The following CPEB2 variants were observed in gnomAD, a reference collection of about 807,000 sequenced individuals.
The protein encoded by CPEB2 is cytoplasmic polyadenylation element-binding protein 2.
Under a neutral mutation model 93.6 loss-of-function variants are expected in CPEB2, and 56 were observed. That is an observed-to-expected ratio of 0.60 (90% CI 0.48 to 0.75). The LOEUF (loss-of-function observed/expected upper bound fraction) is 0.75, where lower values mean the gene tolerates loss of function less well. CPEB2 is among the 30% of genes least tolerant of loss of function. The probability of loss-of-function intolerance (pLI) is 0.00; values close to 1 mark genes in which losing one functional copy is unlikely to be tolerated. For missense variants in CPEB2, 1,579 were observed against 1,395.1 expected (o/e 1.13, Z -2.10); for synonymous variants, 764 against 586.3 (o/e 1.30, Z -4.38).
chr4:15,032,442 T>C (rs1726219332), intron 4 of CPEB2, among the ~76,000 whole-genome samples: 1 of 152,196 alleles, frequency 6.6e-6, no homozygotes, highest in South Asian at 2.1e-4. Flanking sequence ...TGCATACCTT[T>C]TTTCTTCTCC....
chr4:15,038,844 T>A (rs541233839), intron 5 of CPEB2, among the ~76,000 whole-genome samples: 1 of 152,132 alleles, frequency 6.6e-6, no homozygotes, highest in South Asian at 2.1e-4. Context: ...CCGCCTCAGC[T>A]TCCCAAAGTG....
chr4:15,018,936 TTATATATATA>T (rs56945294), intron 4 of CPEB2, among the ~76,000 whole-genome samples: 63,190 of 133,134 alleles, frequency 0.47, 15,820 homozygotes, highest in East Asian at 0.72. Context: ...AAGGGGAATT[TTATATATATA>T]TATATATATA....
chr4:15,062,372 G>A (rs944976297), intron 11 of CPEB2, 112 bp downstream of exon 11: 13 of 681,286 alleles, frequency 1.9e-5, no homozygotes, highest in African/African-American at 9.0e-5. Context: ...TTATACTTCT[G>A]TAAGTCTTAA....
At chr4:15,056,665 G>T (rs1728738785) in intron 8 of CPEB2, among the ~76,000 whole-genome samples, 1 of 152,094 alleles carries the variant, frequency 6.6e-6, no homozygotes, top group Non-Finnish European at 1.5e-5. Flanking sequence ...GAAAACACTG[G>T]TATAGAAGCA....
chr4:15,015,076 C>G (rs150138511), intron 3 of CPEB2, among the ~76,000 whole-genome samples: 6 of 152,080 alleles, frequency 3.9e-5, no homozygotes, highest in African/African-American at 7.2e-5. Context: ...TGACTTCAGA[C>G]GAAGAAACTA....
chr4:15,030,619 T>A (rs1171034834), intron 4 of CPEB2, among the ~76,000 whole-genome samples: 1 of 152,132 alleles, frequency 6.6e-6, no homozygotes, highest in African/African-American at 2.4e-5. Flanking sequence ...CCTATGAAGA[T>A]GCATTAATGT....
In CPEB2 at chr4:15,003,452, C is replaced by T. The variant is rs537061668; in HGVS notation, c.779C>T (p.Pro260Leu). 2.9e-6 allele frequency: 4 copies of T among 1,363,884 alleles called. No individual in the cohort carries two copies. Among genetic ancestry groups the T allele is most frequent in the South Asian group, 1.8e-5 (1 of 55,878 alleles). The allele number at this position is 1,363,884 out of a possible 1,614,324, so 84.5% of individuals were successfully genotyped here. ...CGGCAGCGTCCGGCAGACCTGCCCC[C>T]GCTCCCGCAGCTCCCTCCCTCGCCG... The part of the protein sequence containing the change: ...APRQRPADLP[P>L]LPQLPPSPPA... The change falls in exon 1 of 12, where the codon CCG (proline) becomes CTG (leucine). Residue 260 changes from proline to leucine, a missense_variant. Around this residue, in one of 2 missense-constraint regions of CPEB2, gnomAD observed 1,411 missense variants for 1,056.0 expected, o/e 1.34. Transcript: ENST00000538197.
At chr4:15,063,250 G>C (rs1472515577) in intron 11 of CPEB2, among the ~76,000 whole-genome samples, 2 of 151,854 alleles carry the variant, frequency 1.3e-5, no homozygotes, top group African/African-American at 4.8e-5. Context: ...CATGCTAGAA[G>C]TAGTCCTCAA....
rs182270318 is a variant in CPEB2 at position 15,015,866 on chromosome 4, C to T, written c.2035-1322C>T. On this transcript the variant is annotated intron_variant, in intron 3 of 11. Transcript: ENST00000538197. ...ATTAGGCACAGTAAGTGATTAACAACAATAATAGTAAAGTAGGACAATTAT... is the reference window on the plus strand; with the variant it reads ...ATTAGGCACAGTAAGTGATTAACAATAATAATAGTAAAGTAGGACAATTAT... Among the ~76,000 whole-genome samples the T allele has an allele frequency of 2.0e-5, 3 of 151,936 alleles. No homozygotes were observed. In the East Asian group the frequency reaches 5.8e-4, roughly 29 times the overall value.
chr4:15,040,632 A>C, intron 6 of CPEB2, 145 bp downstream of exon 6: 1 of 665,694 alleles, frequency 1.5e-6, no homozygotes, highest in Non-Finnish European at 2.4e-6. Context: ...GAAGTTTTTA[A>C]TTTTAAATCT....
At chr4:15,061,408 C>T (rs1191670807) in intron 10 of CPEB2, among the ~76,000 whole-genome samples, 1 of 151,754 alleles carries the variant, frequency 6.6e-6, no homozygotes, top group African/African-American at 2.4e-5. Flanking sequence ...ATTCTAGAAG[C>T]CAGATGGAGA....
Position 15,066,252 on chromosome 4 carries a change from A to T in CPEB2, c.2977A>T (p.Thr993Ser). 1 of 1,613,490 alleles carries T rather than the reference A, an allele frequency of 6.2e-7. No homozygotes were observed. ...TGCTCCCTTTTTTTGTGCCAATGTCACTTGCCTGCAGTATTACTGTGAGTT... is the reference window on the plus strand; with the variant it reads ...TGCTCCCTTTTTTTGTGCCAATGTCTCTTGCCTGCAGTATTACTGTGAGTT... ...KFAPFFCANV[T>S]CLQYYCEFCW... is the part of the protein sequence containing the mutation. The change falls in exon 12 of 12, where the codon ACT becomes TCT. Residue 993 changes from threonine to serine, a missense_variant. Physicochemically the swap from Thr to Ser is moderately conservative, Grantham distance 58 (BLOSUM62 1). This residue lies in a region of CPEB2 where 168 missense variants were observed against 339.1 expected (regional missense o/e 0.50). Transcript: ENST00000538197.
In CPEB2 at chr4:15,006,950, C is replaced by G. The variant is rs535863097; in HGVS notation, c.1663-355C>G. On this transcript the variant is annotated intron_variant, in intron 1 of 11. Coordinates refer to ENST00000538197, the MANE Select transcript of CPEB2 (RefSeq NM_001177382.2). ...ATAATTAATATGGTTGCTTTAAGAT[C>G]ACCATGTATGTTATATCTTTAAGAA... Among the ~76,000 whole-genome samples the G allele has an allele frequency of 3.3e-5, 5 of 152,216 alleles. No homozygotes were observed. The South Asian group carries it at 1.0e-3, about 32-fold the overall frequency.
At chr4:15,006,937 G>A (rs1005547297) in intron 1 of CPEB2, among the ~76,000 whole-genome samples, 1 of 152,104 alleles carries the variant, frequency 6.6e-6, no homozygotes, top group Non-Finnish European at 1.5e-5. Flanking sequence ...AATTAATATG[G>A]TTGCTTTAAG....
At chr4:15,015,023 GATT>G (rs1444085238) in intron 3 of CPEB2, among the ~76,000 whole-genome samples, 1 of 151,974 alleles carries the variant, frequency 6.6e-6, no homozygotes, top group Non-Finnish European at 1.5e-5. Context: ...AGTCTGACAT[GATT>G]ATTTTCTAGG....
chr4:15,066,916 T>C lies in CPEB2; in HGVS notation c.*536T>C, dbSNP rs1223912852. On this transcript the variant is annotated 3_prime_UTR_variant, in exon 12 of 12. Transcript: ENST00000538197. ...ATTTTGACTTGCAAGAAATAATACC[T>C]CAAGATAATCTGATTTATTAGCTAT... 6.5e-6 allele frequency: 1 copy of C among 153,888 alleles called. No homozygotes were observed. The highest frequency in any genetic ancestry group is 2.4e-5 in the African/African-American group (1 of 41,444). The allele number at this position is 153,888 out of a possible 1,614,324, so 9.5% of individuals were successfully genotyped here.
At chr4:15,057,290 G>A (rs1205375296) in intron 8 of CPEB2, among the ~76,000 whole-genome samples, 1 of 151,976 alleles carries the variant, frequency 6.6e-6, no homozygotes, top group Non-Finnish European at 1.5e-5. Context: ...AGGTGAAATG[G>A]CTCCAGGTAT....
chr4:15,050,401 G>A (rs145953162), intron 6 of CPEB2, among the ~76,000 whole-genome samples: 246 of 152,184 alleles, frequency 1.6e-3, no homozygotes, highest in African/African-American at 5.5e-3. Flanking sequence ...GTTGGGGATC[G>A]CTGCTATAGA....
chr4:15,033,911 A>G (rs1044091254), intron 5 of CPEB2, among the ~76,000 whole-genome samples: 1 of 149,544 alleles, frequency 6.7e-6, no homozygotes, highest in Non-Finnish European at 1.5e-5. Flanking sequence ...TAGAAATAGT[A>G]TTAATATTTA....
Sources: allele counts gnomAD v4.1 joint callset (sites outside exome capture counted in the v4.1 genomes callset), GRCh38; gene constraint gnomAD v4.1.1; regional missense constraint gnomAD v4.1.1; transcripts MANE v1.5; gene names NCBI Gene and HGNC (gene_info 2026-07-23, HGNC 2026-07-21).